WNK3: variants seen among roughly 807,000 people sequenced by gnomAD.
WNK3 encodes serine/threonine-protein kinase WNK3.
Under a neutral mutation model 116.7 loss-of-function variants are expected in WNK3, and 18 were observed. The observed-to-expected ratio is 0.15, with a 90% CI of 0.11 to 0.23. The LOEUF is 0.23. WNK3 is among the 10% of genes least tolerant of loss of function. The pLI, the probability that WNK3 is intolerant of heterozygous loss-of-function variation, is 1.00. For missense variants in WNK3, 993 were observed against 1,323.8 expected (o/e 0.75, Z 3.88); for synonymous variants, 404 against 469.4 (o/e 0.86, Z 1.80).
intron 11 of WNK3, 144 bp downstream of exon 11, chrX:54,259,130 A>G (rs1357777913): frequency 1.2e-5 from 4 of 329,886 alleles, no homozygotes; most frequent in Non-Finnish European, 2.1e-5. Flanking sequence ...AAAAAAAAAA[A>G]AAAAAACTAT....
At chrX:54,193,027 A>T (rs1297006026) in exon 24 of WNK3, 6 of 111,157 alleles carry the variant, frequency 5.4e-5, no homozygotes, top group Non-Finnish European at 1.1e-4. Flanking sequence ...AAAAAAAAAA[A>T]GGTTAATGTC....
intron 5 of WNK3, among the ~76,000 whole-genome samples, chrX:54,306,185 C>T (rs1424235377): frequency 9.0e-6 from 1 of 111,252 alleles, no homozygotes; most frequent in African/African-American, 3.3e-5. Context: ...AAAAGGGAAC[C>T]CTTGTACGTT....
intron 10 of WNK3, among the ~76,000 whole-genome samples, chrX:54,270,110 T>A (rs1178613086): frequency 9.0e-6 from 1 of 111,354 alleles, no homozygotes; most frequent in Non-Finnish European, 1.9e-5. Flanking sequence ...AAGCTCCTTT[T>A]TTGTGTCTGT....
At chrX:54,224,570 C>T (rs1343263845) in intron 22 of WNK3, among the ~76,000 whole-genome samples, 1 of 103,300 alleles carries the variant, frequency 9.7e-6, no homozygotes, top group African/African-American at 3.5e-5. Flanking sequence ...TTGGAGACTT[C>T]TTTTTTTTTT....
chrX:54,327,184 C>T (rs1603398996), intron 2 of WNK3, among the ~76,000 whole-genome samples: 2 of 112,187 alleles, frequency 1.8e-5, no homozygotes, highest in Middle Eastern at 4.6e-3. Flanking sequence ...TAAAATTTAT[C>T]GCTCCCAGTT....
At position 54,312,736 on chromosome X, in the gene WNK3, C is replaced by T. The variant is rs782530985; in HGVS notation, c.538-1445G>A. On this transcript the variant is annotated intron_variant, in intron 2 of 23. Transcript: ENST00000354646. The stretch of plus-strand genomic sequence containing the variant: ...GACTACAGGAGTGAGCTATTGCGCC[C>T]GGCCTTCTCATTCCTTTCCTTGTGT... Among the ~76,000 whole-genome samples the T allele has an allele frequency of 7.2e-5, 8 of 111,572 alleles. No individual in the cohort carries two copies. In the East Asian group the frequency reaches 1.1e-3, roughly 16 times the overall value.
intron 17 of WNK3, among the ~76,000 whole-genome samples, chrX:54,239,578 AAAAC>A (rs1229018684): frequency 7.2e-5 from 8 of 111,567 alleles, no homozygotes; most frequent in African/African-American, 2.6e-4. Flanking sequence ...AAAACAGAAA[AAAAC>A]AAGATATCTA....
At chrX:54,307,704 C>T (rs946586633) in intron 5 of WNK3, among the ~76,000 whole-genome samples, 1 of 110,966 alleles carries the variant, frequency 9.0e-6, no homozygotes, top group African/African-American at 3.3e-5. Flanking sequence ...GATGATATAC[C>T]TGTACATTTT....
intron 22 of WNK3, among the ~76,000 whole-genome samples, chrX:54,221,718 C>T (rs782305732): frequency 5.1e-4 from 56 of 110,129 alleles, no homozygotes; most frequent in African/African-American, 1.8e-3. Context: ...GCCTGTAATC[C>T]CAGCTACTCA....
rs57558276 is a variant in WNK3 at position 54,346,605 on chromosome X, CAAAAAAAAAAAA to C, written c.-120+11069_-120+11080del. On this transcript the variant is annotated intron_variant, in intron 1 of 23. Coordinates refer to ENST00000354646, the Ensembl canonical transcript of WNK3. ...TGGATCACAGAGTGAGACTCTGTCTCAAAAAAAAAAAAAAAAAAAAAGAACACATGCCCTGGA... is the reference window on the plus strand; with the variant it reads ...TGGATCACAGAGTGAGACTCTGTCTCAAAAAAAAAGAACACATGCCCTGGA... Among the ~76,000 whole-genome samples the C allele has an allele frequency of 5.9e-4, 28 of 47,356 alleles. No homozygotes were observed. The East Asian group carries it at 0.017, about 28-fold the overall frequency. 41.1% of individuals were successfully genotyped at this position (47,356 alleles called of 115,157 possible). A position where few individuals can be genotyped will look rare whatever the true frequency, so the allele number is the denominator to read the frequency against.
At chrX:54,306,769 A>C (rs1445741172) in intron 5 of WNK3, among the ~76,000 whole-genome samples, 3 of 110,961 alleles carry the variant, frequency 2.7e-5, no homozygotes, top group African/African-American at 9.8e-5. Flanking sequence ...TAAATTTCAA[A>C]ATAACTTAGT....
intron 5 of WNK3, among the ~76,000 whole-genome samples, chrX:54,304,272 G>A (rs2068798886): frequency 9.0e-6 from 1 of 111,052 alleles, no homozygotes; most frequent in African/African-American, 3.3e-5. Flanking sequence ...GCTCATGCCT[G>A]TAATCCTAGT....
chrX:54,240,252 G>T (rs948886211), intron 17 of WNK3, among the ~76,000 whole-genome samples: 1 of 108,544 alleles, frequency 9.2e-6, no homozygotes, highest in Admixed American at 9.8e-5. Flanking sequence ...GCAATGAGCC[G>T]AGATCGCACC....
chrX:54,332,044 T>G (rs1305042553), intron 2 of WNK3, among the ~76,000 whole-genome samples: 1 of 111,930 alleles, frequency 8.9e-6, no homozygotes, highest in Non-Finnish European at 1.9e-5. Flanking sequence ...AACCAACCAT[T>G]TCCTATGGGC....
At chrX:54,304,625 T>TA (rs782485444) in intron 5 of WNK3, among the ~76,000 whole-genome samples, 2 of 110,264 alleles carry the variant, frequency 1.8e-5, no homozygotes, top group South Asian at 7.7e-4. Context: ...ACCCAGTCCA[T>TA]ACTCAAATTT....
At chrX:54,291,385 T>C (rs1212330468) in intron 10 of WNK3, among the ~76,000 whole-genome samples, 7 of 112,123 alleles carry the variant, frequency 6.2e-5, no homozygotes, top group Non-Finnish European at 1.1e-4. Flanking sequence ...GCTGGAGAAA[T>C]AACAAGTAAT....
intron 1 of WNK3, among the ~76,000 whole-genome samples, chrX:54,353,890 T>G (rs2069554390): frequency 9.0e-6 from 1 of 110,774 alleles, no homozygotes; most frequent in African/African-American, 3.3e-5. Flanking sequence ...GAGACCAGCC[T>G]GGCCAATATG....
intron 5 of WNK3, among the ~76,000 whole-genome samples, chrX:54,302,930 ATTTTT>A (rs782315389): frequency 2.4e-5 from 2 of 81,722 alleles, no homozygotes; most frequent in Non-Finnish European, 2.3e-5. Flanking sequence ...AACTCGGCTA[ATTTTT>A]TTTTTTTTTT....
At chrX:54,244,158 G>A (rs2068052514) in intron 17 of WNK3, among the ~76,000 whole-genome samples, 1 of 111,708 alleles carries the variant, frequency 9.0e-6, no homozygotes, top group Non-Finnish European at 1.9e-5. Flanking sequence ...ACTAGATAAT[G>A]GTGATGGATA....
Sources: allele counts gnomAD v4.1 joint callset (sites outside exome capture counted in the v4.1 genomes callset), GRCh38; gene constraint gnomAD v4.1.1; transcripts MANE v1.5; gene names NCBI Gene and HGNC (gene_info 2026-07-23, HGNC 2026-07-21).